RAP1GAP2: variants seen among roughly 807,000 people sequenced by gnomAD.
The protein encoded by RAP1GAP2 is RAP1 GTPase activating protein 2, also known as rap1 GTPase-activating protein 2.
Under a neutral mutation model 95.0 loss-of-function variants are expected in RAP1GAP2, and 27 were observed. The ratio of observed to expected loss-of-function variants is 0.28; its 90% CI spans 0.21 to 0.39. RAP1GAP2 has a LOEUF of 0.39. Ranked by LOEUF, RAP1GAP2 falls within the 10% of genes least tolerant of loss-of-function variation. The probability of loss-of-function intolerance (pLI) is 1.00; values close to 1 mark genes in which losing one functional copy is unlikely to be tolerated. For synonymous variants in RAP1GAP2, 373 were observed against 380.9 expected (o/e 0.98, Z 0.24); for missense variants, 771 against 970.0 (o/e 0.79, Z 2.72).
At chr17:2,873,862 A>G (rs943994761) in intron 2 of RAP1GAP2, among the ~76,000 whole-genome samples, 2 of 152,228 alleles carry the variant, frequency 1.3e-5, no homozygotes, top group African/African-American at 4.8e-5. Context: ...TCCTGGGTAC[A>G]AGTGATTCTC....
intron 2 of RAP1GAP2, among the ~76,000 whole-genome samples, chr17:2,892,575 T>A (rs534066295): frequency 2.0e-5 from 3 of 152,288 alleles, no homozygotes; most frequent in African/African-American, 7.2e-5. Context: ...TTCATGTGCA[T>A]GGACTGGGAT....
At chr17:2,928,527 G>T (rs973805020) in intron 3 of RAP1GAP2, among the ~76,000 whole-genome samples, 11 of 152,242 alleles carry the variant, frequency 7.2e-5, no homozygotes, top group African/African-American at 2.6e-4. Context: ...TGAGCAGCAC[G>T]TAGATAACCC....
intron 4 of RAP1GAP2, among the ~76,000 whole-genome samples, chr17:2,958,250 CATAA>C (rs1430113747): frequency 3.3e-5 from 5 of 152,096 alleles, no homozygotes; most frequent in Admixed American, 6.5e-5. Flanking sequence ...GCTAAGCCTC[CATAA>C]ATAAATAAGA....
At position 2,867,639 on chromosome 17, in the gene RAP1GAP2, C is replaced by T. The variant is rs994248071; in HGVS notation, c.81-37645C>T. On this transcript the variant is annotated intron_variant, in intron 2 of 24. Transcript: ENST00000254695. This position sits in a 1 kb window ranked among gnomAD's most constrained non-coding sequence, Gnocchi z 4.5. Reference sequence around the variant, plus strand: ...ACTGATTCATGAAGTCTAGGTCTTACGCCCACCGCTGGTTCCCGGGATGCA... The same window carrying T: ...ACTGATTCATGAAGTCTAGGTCTTATGCCCACCGCTGGTTCCCGGGATGCA... Among the ~76,000 whole-genome samples the T allele has an allele frequency of 7.2e-5, 11 of 152,178 alleles. No homozygotes were observed. The highest frequency in any genetic ancestry group is 2.1e-4 in the South Asian group (1 of 4,828).
chr17:2,780,461 G>A (rs962104059), intron 1 of RAP1GAP2, among the ~76,000 whole-genome samples: 4 of 152,248 alleles, frequency 2.6e-5, no homozygotes, highest in Admixed American at 2.0e-4. Context: ...AGCGGCGATT[G>A]GAGAAGGTCC....
In RAP1GAP2 at chr17:3,034,139, T is replaced by A. The variant is rs762069421; in HGVS notation, c.*778T>A. 4 of 155,946 alleles carry A rather than the reference T, an allele frequency of 2.6e-5. No individual in the cohort carries two copies. The highest frequency in any genetic ancestry group is 7.2e-5 in the African/African-American group (3 of 41,456). 9.7% of individuals were successfully genotyped at this position (155,946 alleles called of 1,614,324 possible). A position where few individuals can be genotyped will look rare whatever the true frequency, so the allele number is the denominator to read the frequency against. ...TGGGTCCCACCCGGTTTCTCCTGAT[T>A]ATGGCTGCTGTGGGGTGAGGGGAGG... On this transcript the variant is annotated 3_prime_UTR_variant, in exon 25 of 25. Transcript: ENST00000254695. The surrounding 1 kb of genome is among the most constrained non-coding windows in gnomAD (Gnocchi z 5.1).
intron 17 of RAP1GAP2, among the ~76,000 whole-genome samples, chr17:3,009,170 T>C (rs1199588949): frequency 6.6e-6 from 1 of 152,082 alleles, no homozygotes; most frequent in Non-Finnish European, 1.5e-5. Flanking sequence ...GTCAACAACA[T>C]AAGGATAGGA....
intron 1 of RAP1GAP2, among the ~76,000 whole-genome samples, chr17:2,756,321 G>A (rs1412780757): frequency 6.6e-6 from 1 of 152,260 alleles, no homozygotes; most frequent in African/African-American, 2.4e-5. Flanking sequence ...CAGGGGAGGG[G>A]TCCCCGTGTA....
At chr17:2,763,013 A>T (rs574508101) in intron 1 of RAP1GAP2, among the ~76,000 whole-genome samples, 3 of 152,206 alleles carry the variant, frequency 2.0e-5, no homozygotes, top group Admixed American at 1.3e-4. Flanking sequence ...GTGATTGAAA[A>T]GGTTGGCCCT....
chr17:2,782,373 G>T (rs760713258), intron 1 of RAP1GAP2, among the ~76,000 whole-genome samples: 1 of 152,182 alleles, frequency 6.6e-6, no homozygotes, highest in Non-Finnish European at 1.5e-5. Context: ...GGCAGAAGTG[G>T]CCTGTGTGTC....
At chr17:2,960,208 TGGCTCTGC>T (rs1239547530) in intron 4 of RAP1GAP2, among the ~76,000 whole-genome samples, 1 of 150,864 alleles carries the variant, frequency 6.6e-6, no homozygotes, top group Non-Finnish European at 1.5e-5. Context: ...TGCTGGGCAG[TGGCTCTGC>T]GGTAGGTTAT....
rs1289454974 is a variant in RAP1GAP2 at position 2,963,828 on chromosome 17, G to T, written c.280-28G>T. 2.0e-6 allele frequency: 3 copies of T among 1,535,740 alleles called. No homozygotes were observed. Among genetic ancestry groups the T allele is most frequent in the Non-Finnish European group, 2.6e-6 (3 of 1,136,792 alleles). On this transcript the variant is annotated intron_variant, in intron 6 of 24. Coordinates refer to ENST00000254695, the MANE Select transcript of RAP1GAP2 (RefSeq NM_015085.5). This position sits in a 1 kb window ranked among gnomAD's most constrained non-coding sequence, Gnocchi z 4.8. ...CCCTCCCTCCCCTGCGGTCCCAGGG[G>T]AGCGCACGACCCTCCCTCTGCCTTC... is the stretch of plus-strand genomic sequence containing the variant.
intron 2 of RAP1GAP2, among the ~76,000 whole-genome samples, chr17:2,900,417 G>A (rs994128423): frequency 6.6e-6 from 1 of 152,046 alleles, no homozygotes; most frequent in Non-Finnish European, 1.5e-5. Flanking sequence ...CATGTTTTAT[G>A]TCACAGCTGT....
intron 2 of RAP1GAP2, among the ~76,000 whole-genome samples, chr17:2,840,250 A>G (rs936655983): frequency 1.0e-3 from 145 of 138,728 alleles, no homozygotes; most frequent in Admixed American, 5.5e-3. Flanking sequence ...TGCGACCCCC[A>G]CCTCCTGGAT....
At chr17:2,932,286 C>A (rs773891157) in intron 3 of RAP1GAP2, among the ~76,000 whole-genome samples, 22 of 151,982 alleles carry the variant, frequency 1.4e-4, no homozygotes, top group Non-Finnish European at 2.6e-4. Context: ...GTGGGAGCGG[C>A]CAAGTTCTGG....
At chr17:2,972,398 GGC>G in intron 8 of RAP1GAP2, among the ~76,000 whole-genome samples, 1 of 152,270 alleles carries the variant, frequency 6.6e-6, no homozygotes, top group Admixed American at 6.5e-5. Flanking sequence ...GGGAGGCCAA[GGC>G]GAGTGGATCA....
At chr17:2,885,186 C>G (rs528029826) in intron 2 of RAP1GAP2, among the ~76,000 whole-genome samples, 87 of 152,224 alleles carry the variant, frequency 5.7e-4, no homozygotes, top group Admixed American at 1.5e-3. Flanking sequence ...GCACCCGCCA[C>G]CACGCCTGAC....
chr17:2,837,343 G>GA (rs2151561408), intron 2 of RAP1GAP2, among the ~76,000 whole-genome samples: 1 of 151,824 alleles, frequency 6.6e-6, no homozygotes, highest in East Asian at 1.9e-4. Context: ...GGTAGGTTGA[G>GA]AAAGGGGCAG....
At chr17:2,791,220 A>G (rs2068916802) in intron 1 of RAP1GAP2, among the ~76,000 whole-genome samples, 1 of 152,100 alleles carries the variant, frequency 6.6e-6, no homozygotes. Context: ...AAGAAAAAAA[A>G]ATGCCCATCG....
Sources: allele counts gnomAD v4.1 joint callset (sites outside exome capture counted in the v4.1 genomes callset), GRCh38; gene constraint gnomAD v4.1.1; non-coding constraint Gnocchi (gnomAD v3.1); transcripts MANE v1.5; gene names NCBI Gene and HGNC (gene_info 2026-07-23, HGNC 2026-07-21).